The following TFEB variants were observed in gnomAD, a reference collection of about 807,000 sequenced individuals.
TFEB encodes transcription factor EB.
TFEB carries 12 observed loss-of-function variants against 48.0 expected under a neutral mutation model. That is an observed-to-expected ratio of 0.25 (90% CI 0.16 to 0.40). The LOEUF is 0.40. Among genes scored for constraint, TFEB ranks in the 10% least tolerant of loss-of-function variants. The pLI, the probability that TFEB is intolerant of heterozygous loss-of-function variation, is 1.00. For missense variants in TFEB, 509 were observed against 640.3 expected, an observed-to-expected ratio of 0.79 and a Z score of 2.21; for synonymous variants, 244 against 261.4, an observed-to-expected ratio of 0.93 and a Z score of 0.64.
At chr6:41,717,625 C>T (rs1399636287) in intron 1 of TFEB, among the ~76,000 whole-genome samples, 1 of 152,130 alleles carries the variant, frequency 6.6e-6, no homozygotes, top group African/African-American at 2.4e-5. Context: ...GGCATAGCTC[C>T]ATCTCATAGC....
rs1769324535 is a variant in TFEB, at chr6:41,691,656, T to C, written c.-22-421A>G. Among the ~76,000 whole-genome samples, 1 of 152,168 alleles carries C rather than the reference T, an allele frequency of 6.6e-6. No homozygotes were observed. Among genetic ancestry groups the C allele is most frequent in the African/African-American group, 2.4e-5 (1 of 41,428 alleles). On this transcript the variant is annotated intron_variant, in intron 1 of 8. Transcript: ENST00000373033. The surrounding 1 kb of genome is among the most constrained non-coding windows in gnomAD (Gnocchi z 5.2). The stretch of plus-strand genomic sequence containing the variant: ...AGCCCAGTGTTCAGACTGCCTCCTC[T>C]GGCTTGCCCTAGGACGTTCTACTGG...
rs1294270494 is a variant in TFEB at position 41,735,535 on chromosome 6, C to A, written c.-208G>T. 1.2e-5 allele frequency: 12 copies of A among 984,604 alleles called. No homozygotes were observed. The highest frequency in any genetic ancestry group is 9.3e-5 in the South Asian group (2 of 21,556). 61.0% of individuals were successfully genotyped at this position (984,604 alleles called of 1,614,324 possible). ...CCGTCGGCGCCGCGGCCGCTCCCTG[C>A]GTCCCGCCCGGGCCGCCGCCTCCGC... On this transcript the variant is annotated 5_prime_UTR_variant, in exon 1 of 9. Coordinates refer to ENST00000373033, the MANE Select transcript of TFEB (RefSeq NM_001271944.2).
rs770822834 is a variant in TFEB, at chr6:41,720,915, C to A, written c.-23+14435G>T. 3.3e-5 allele frequency among the ~76,000 whole-genome samples: 5 copies of A among 152,322 alleles called. No individual in the cohort carries two copies. The highest frequency in any genetic ancestry group is 7.4e-5 in the Non-Finnish European group (5 of 68,026). ...TAATCCTGAGACCCCAACCTCCACC[C>A]AACCCCCTGCTCCAGCAAGCATGGG... On this transcript the variant is annotated intron_variant, in intron 1 of 8. Coordinates refer to ENST00000373033, the MANE Select transcript of TFEB (RefSeq NM_001271944.2). This position sits in a 1 kb window ranked among gnomAD's most constrained non-coding sequence, Gnocchi z 4.1.
chr6:41,708,083 G>A lies in TFEB; in HGVS notation c.-22-16848C>T, dbSNP rs115756882. On this transcript the variant is annotated intron_variant, in intron 1 of 8. Coordinates refer to ENST00000373033, the MANE Select transcript of TFEB (RefSeq NM_001271944.2). ...GCCTTGCACAAGGCCTGGGATGGGC[G>A]AGCCAGTGTCTGCCACATGGCAGGC... 9.0e-3 allele frequency among the ~76,000 whole-genome samples: 1,369 copies of A among 152,344 alleles called. 19 individuals are homozygous for A. Among genetic ancestry groups the A allele is most frequent in the African/African-American group, 0.031 (1,282 of 41,586 alleles).
intron 1 of TFEB, among the ~76,000 whole-genome samples, chr6:41,725,007 A>T (rs893663620): frequency 1.3e-5 from 2 of 152,212 alleles, no homozygotes; most frequent in African/African-American, 4.8e-5. Flanking sequence ...AAATGCCTGC[A>T]CATTCACCAT....
chr6:41,722,878 A>C (rs1015360783), intron 1 of TFEB, among the ~76,000 whole-genome samples: 24 of 152,172 alleles, frequency 1.6e-4, no homozygotes, highest in African/African-American at 5.6e-4. Context: ...ATGTGAGTAA[A>C]GTCTTTTACT....
At chr6:41,732,740 C>T (rs567920174) in intron 1 of TFEB, 27 of 985,898 alleles carry the variant, frequency 2.7e-5, no homozygotes, top group Non-Finnish European at 3.1e-5. Context: ...AGGATCCACA[C>T]TGTACATGCA....
At chr6:41,694,048 G>A (rs1183947318) in intron 1 of TFEB, among the ~76,000 whole-genome samples, 1 of 152,126 alleles carries the variant, frequency 6.6e-6, no homozygotes, top group East Asian at 1.9e-4. Context: ...CCTGGTGGGG[G>A]TGTGGGCACC....
chr6:41,736,125 C>CG, upstream of TFEB: 6 of 1,612,862 alleles, frequency 3.7e-6, no homozygotes, highest in Non-Finnish European at 5.1e-6. Context: ...ATTATGGGTT[C>CG]TACATTCACG....
chr6:41,718,488 C>G (rs930395665), intron 1 of TFEB, among the ~76,000 whole-genome samples: 2 of 152,150 alleles, frequency 1.3e-5, no homozygotes, highest in African/African-American at 2.4e-5. Context: ...GTATTACAAG[C>G]ATGAGCCACC....
intron 7 of TFEB, 168 bp from the exon 8 acceptor site, chr6:41,686,405 G>T (rs1769006505): frequency 1.3e-6 from 1 of 753,352 alleles, no homozygotes; most frequent in South Asian, 2.0e-5. Context: ...GGGCCCTCCT[G>T]GTGACTTCTG....
rs1185415383 is a variant in TFEB at position 41,691,837 on chromosome 6, C to T, written c.-22-602G>A. On this transcript the variant is annotated intron_variant, in intron 1 of 8. Transcript: ENST00000373033. The surrounding 1 kb of genome is among the most constrained non-coding windows in gnomAD (Gnocchi z 5.2). ...AGGCCCCCTAGGATCTGGCCCACCT[C>T]GTGTTCCCCTTTGACCCCATCCGCC... is the stretch of plus-strand genomic sequence containing the variant. Among the ~76,000 whole-genome samples, 4 of 152,144 alleles carry T rather than the reference C, an allele frequency of 2.6e-5. No homozygotes were observed. Among genetic ancestry groups the T allele is most frequent in the Non-Finnish European group, 5.9e-5 (4 of 68,018 alleles).
intron 3 of TFEB, 82 bp from the exon 4 acceptor site, chr6:41,689,893 G>A: frequency 8.9e-7 from 1 of 1,124,926 alleles, no homozygotes; most frequent in Non-Finnish European, 1.3e-6. Flanking sequence ...CCACTGACCT[G>A]GAGGGACCTT....
At chr6:41,721,545 C>T (rs1310946054) in intron 1 of TFEB, among the ~76,000 whole-genome samples, 1 of 152,102 alleles carries the variant, frequency 6.6e-6, no homozygotes, top group African/African-American at 2.4e-5. Flanking sequence ...CAATTAGTGG[C>T]CCTGATCCAC....
In TFEB at chr6:41,684,606, A is replaced by C. The variant is rs1165355047; in HGVS notation, c.1424T>G (p.Val475Gly). ...GCACAGGGGCAGCCAGGGTCACAGC[A>C]CATCGCCCTCCTCCATGCTGAAGCT... ...RSSFSMEEGD[V>G]L The change falls in exon 9 of 9, where the codon GTG becomes GGG. Residue 475 changes from valine (V) to glycine (G), a missense_variant. Transcript: ENST00000373033. The C allele has an allele frequency of 6.3e-7, 1 of 1,581,090 alleles. No individual in the cohort carries two copies. Among genetic ancestry groups the C allele is most frequent in the Admixed American group, 1.8e-5 (1 of 56,548 alleles).
intron 1 of TFEB, among the ~76,000 whole-genome samples, chr6:41,704,177 C>T (rs1243133142): frequency 6.6e-6 from 1 of 152,206 alleles, no homozygotes; most frequent in African/African-American, 2.4e-5. Context: ...TTGCAGTTCC[C>T]CAACAGAGCC....
chr6:41,694,719 G>A (rs1769486794), intron 1 of TFEB, among the ~76,000 whole-genome samples: 1 of 152,052 alleles, frequency 6.6e-6, no homozygotes, highest in South Asian at 2.1e-4. Context: ...AATGTCCCTG[G>A]CCCCTCCCAC....
chr6:41,714,120 T>TGC (rs2073615236), intron 1 of TFEB, among the ~76,000 whole-genome samples: 2 of 136,418 alleles, frequency 1.5e-5, no homozygotes, highest in African/African-American at 5.9e-5. Flanking sequence ...CGTGTGTGTG[T>TGC]GTGTGCGTGT....
chr6:41,734,851 A>G lies in TFEB; in HGVS notation c.-23+499T>C. On this transcript the variant is annotated intron_variant, in intron 1 of 8. Coordinates refer to ENST00000373033, the MANE Select transcript of TFEB (RefSeq NM_001271944.2). This position sits in a 1 kb window ranked among gnomAD's most constrained non-coding sequence, Gnocchi z 4.0. ...GGCGTGGCGCCGCTCTGGCCCTCCCACTCCCCCCGCTGGCCTGGCCAGACT... is the reference window on the plus strand; with the variant it reads ...GGCGTGGCGCCGCTCTGGCCCTCCCGCTCCCCCCGCTGGCCTGGCCAGACT... 1 of 926,794 alleles carries G rather than the reference A, an allele frequency of 1.1e-6. No homozygotes were observed. Among genetic ancestry groups the G allele is most frequent in the Non-Finnish European group, 1.3e-6 (1 of 791,184 alleles). The allele number at this position is 926,794 out of a possible 1,614,324, so 57.4% of individuals were successfully genotyped here.
Sources: allele counts gnomAD v4.1 joint callset (sites outside exome capture counted in the v4.1 genomes callset), GRCh38; gene constraint gnomAD v4.1.1; non-coding constraint Gnocchi (gnomAD v3.1); transcripts MANE v1.5; gene names NCBI Gene and HGNC (gene_info 2026-07-23, HGNC 2026-07-21).